ANK2: variants seen among roughly 807,000 people sequenced by gnomAD.
ANK2 encodes ankyrin 2.
ANK2 carries 83 observed loss-of-function variants against 360.5 expected under a neutral mutation model. The observed-to-expected ratio is 0.23, with a 90% CI of 0.19 to 0.28. ANK2 has a LOEUF of 0.28. Ranked by LOEUF, ANK2 falls within the 10% of genes least tolerant of loss-of-function variation. The probability of loss-of-function intolerance (pLI) is 1.00; values close to 1 mark genes in which losing one functional copy is unlikely to be tolerated. For missense variants in ANK2, 4,201 were observed against 4,795.7 expected (o/e 0.88, Z 3.66); for synonymous variants, 1,740 against 1,759.5 (o/e 0.99, Z 0.28).
chr4:113,095,482 G>C (rs1468010946), intron 1 of ANK2, among the ~76,000 whole-genome samples: 2 of 152,134 alleles, frequency 1.3e-5, no homozygotes, highest in African/African-American at 4.8e-5. Flanking sequence ...GTGTGCCTGT[G>C]ATTTGTATCA....
At position 113,276,907 on chromosome 4, in the gene ANK2, G is replaced by C. The variant is rs72675218; in HGVS notation, c.1684-930G>C. Among the ~76,000 whole-genome samples, 77 of 152,070 alleles carry C rather than the reference G, an allele frequency of 5.1e-4. 1 individual carries two copies. The highest frequency in any genetic ancestry group is 1.7e-3 in the African/African-American group (71 of 41,398). On this transcript the variant is annotated intron_variant, in intron 15 of 45. Coordinates refer to ENST00000357077, the MANE Select transcript of ANK2 (RefSeq NM_001148.6). ...GCTATGTGTTTTACAGGCCCTGATC[G>C]GTGTTAGAATTCCCCCACTCCCACT...
intron 23 of ANK2, among the ~76,000 whole-genome samples, chr4:113,306,757 GT>G (rs1244093765): frequency 6.6e-6 from 1 of 152,164 alleles, no homozygotes; most frequent in Non-Finnish European, 1.5e-5. Context: ...ACATTAAGTA[GT>G]TTGTTCAATA....
intron 4 of ANK2, among the ~76,000 whole-genome samples, chr4:113,206,432 A>G (rs2098949343): frequency 1.3e-5 from 2 of 152,108 alleles, no homozygotes; most frequent in Non-Finnish European, 2.9e-5. Context: ...ATTCCTTTTT[A>G]TGGCTGCATA....
intron 32 of ANK2, among the ~76,000 whole-genome samples, chr4:113,340,936 T>G (rs1050899711): frequency 9.2e-5 from 14 of 152,140 alleles, no homozygotes; most frequent in Admixed American, 3.9e-4. Context: ...TCTAATGACC[T>G]CGACTTTCTT....
chr4:112,787,578 C>T, the ANK2 span, among the ~76,000 whole-genome samples: 1 of 152,158 alleles, frequency 6.6e-6, no homozygotes, highest in Non-Finnish European at 1.5e-5. Context: ...GACTAATTTC[C>T]ATTGCCCCAG....
chr4:112,786,307 G>A, the ANK2 span, among the ~76,000 whole-genome samples: 3 of 151,024 alleles, frequency 2.0e-5, no homozygotes, highest in East Asian at 1.9e-4. Context: ...GCAATATGAG[G>A]TGTGGGTATA....
chr4:112,859,343 T>C (rs887480733), intron 1 of ANK2, among the ~76,000 whole-genome samples: 3 of 152,232 alleles, frequency 2.0e-5, no homozygotes, highest in African/African-American at 7.2e-5. Context: ...TTACATAAGA[T>C]AATTATGATT....
At chr4:112,780,656 C>T in the ANK2 span, among the ~76,000 whole-genome samples, 1 of 152,080 alleles carries the variant, frequency 6.6e-6, no homozygotes, top group East Asian at 1.9e-4. Context: ...TTAATTGACT[C>T]AGTTCCAAAT....
At chr4:112,827,521 A>C in intron 1 of ANK2, 2 of 1,208,934 alleles carry the variant, frequency 1.7e-6, no homozygotes, top group Admixed American at 1.7e-5. Context: ...AATCACAAGA[A>C]TCTGCCTCAG....
intron 1 of ANK2, among the ~76,000 whole-genome samples, chr4:112,900,552 G>A (rs1396915885): frequency 6.6e-6 from 1 of 152,170 alleles, no homozygotes; most frequent in Non-Finnish European, 1.5e-5. Flanking sequence ...GGGAAAAAGG[G>A]AGATAGGTTA....
At chr4:112,826,965 T>G (rs2058545955) in intron 1 of ANK2, 2 of 1,535,862 alleles carry the variant, frequency 1.3e-6, no homozygotes, top group Non-Finnish European at 1.8e-6. Context: ...CATTCAGTCA[T>G]GTAAAGATGA....
chr4:113,242,240 C>T (rs2153574330), intron 9 of ANK2, 31 bp downstream of exon 9: 4 of 1,582,238 alleles, frequency 2.5e-6, no homozygotes, highest in Non-Finnish European at 3.5e-6. Flanking sequence ...AATTTTCTAC[C>T]ATTATTATTT....
intron 2 of ANK2, among the ~76,000 whole-genome samples, chr4:113,176,945 A>G (rs2098232242): frequency 6.6e-6 from 1 of 152,098 alleles, no homozygotes; most frequent in Non-Finnish European, 1.5e-5. Context: ...CCGTGTCCCT[A>G]CAAAGGACAT....
At chr4:112,973,615 C>T (rs2040359710) in intron 2 of ANK2, among the ~76,000 whole-genome samples, 1 of 152,224 alleles carries the variant, frequency 6.6e-6, no homozygotes, top group South Asian at 2.1e-4. Context: ...CCTTCCCAGC[C>T]TGGCTTTCTA....
the ANK2 span, among the ~76,000 whole-genome samples, chr4:112,792,694 T>C: frequency 2.0e-5 from 3 of 152,200 alleles, no homozygotes; most frequent in Non-Finnish European, 4.4e-5. Flanking sequence ...TTTCATCTGA[T>C]ACAAGGTATG....
At chr4:113,128,133 A>C (rs1179702403) in intron 1 of ANK2, among the ~76,000 whole-genome samples, 1 of 152,206 alleles carries the variant, frequency 6.6e-6, no homozygotes, top group Non-Finnish European at 1.5e-5. Context: ...GTAAAAAGCC[A>C]ATAAATAAAA....
the ANK2 span, among the ~76,000 whole-genome samples, chr4:112,732,788 C>T: frequency 6.6e-6 from 1 of 152,140 alleles, no homozygotes; most frequent in Non-Finnish European, 1.5e-5. Flanking sequence ...CTAAATAACA[C>T]TCAGTGTTTC....
intron 45 of ANK2, 65 bp downstream of exon 45, chr4:113,373,514 T>C: frequency 6.6e-7 from 1 of 1,520,184 alleles, no homozygotes; most frequent in Non-Finnish European, 9.1e-7. Flanking sequence ...TCAAGAAAGA[T>C]GAGTGAGATT....
intron 11 of ANK2, 143 bp downstream of exon 11, chr4:113,256,075 C>T (rs1003024824): frequency 1.0e-6 from 1 of 998,200 alleles, no homozygotes; most frequent in African/African-American, 1.6e-5. Context: ...CACAATCAGC[C>T]TGTGTACTTC....
Sources: allele counts gnomAD v4.1 joint callset (sites outside exome capture counted in the v4.1 genomes callset), GRCh38; gene constraint gnomAD v4.1.1; transcripts MANE v1.5; gene names NCBI Gene and HGNC (gene_info 2026-07-23, HGNC 2026-07-21).